LARP1B: variants seen among roughly 807,000 people sequenced by gnomAD.
LARP1B encodes la-related protein 1B.
LARP1B carries 76 observed loss-of-function variants against 114.2 expected under a neutral mutation model. That is an observed-to-expected ratio of 0.67 (90% CI 0.55 to 0.81). LARP1B has a LOEUF of 0.81. LARP1B is among the 30% of genes least tolerant of loss of function. LARP1B has a pLI of 0.00. For missense variants in LARP1B, 1,014 were observed against 1,075.8 expected, an observed-to-expected ratio of 0.94 and a Z score of 0.80; for synonymous variants, 345 against 348.0, an observed-to-expected ratio of 0.99 and a Z score of 0.10.
chr4:128,105,830 G>T (rs1023361635), intron 8 of LARP1B, among the ~76,000 whole-genome samples: 4 of 152,136 alleles, frequency 2.6e-5, no homozygotes, highest in Admixed American at 1.3e-4. Flanking sequence ...GGCGGAGGTT[G>T]CAGTGAGCCA....
In LARP1B at chr4:128,206,444, C is replaced by T; in HGVS notation, c.2326C>T (p.Leu776=). Residue 776 remains leucine, a synonymous_variant, in exon 18 of 20, where the codon CTG becomes TTG. Transcript: ENST00000326639. ...TCTTTATAGGTATGGGTTAGAATGT[C>T]TGTTCAGGTTTTATAGTTATGGACT... ...KENYRYGLEC[L]FRFYSYGLEK... is the part of the protein sequence containing the mutation. The T allele has an allele frequency of 6.2e-7, 1 of 1,604,166 alleles. No homozygotes were observed. The highest frequency in any genetic ancestry group is 1.1e-5 in the South Asian group (1 of 88,446).
intron 2 of LARP1B, 123 bp downstream of exon 2, chr4:128,074,641 A>G: frequency 3.7e-6 from 1 of 269,118 alleles, no homozygotes; most frequent in Non-Finnish European, 6.7e-6. Flanking sequence ...ATTAAAGTTA[A>G]TATTATGGAA....
chr4:128,182,775 T>G (rs1218594625), intron 15 of LARP1B, among the ~76,000 whole-genome samples: 1 of 152,136 alleles, frequency 6.6e-6, no homozygotes, highest in Non-Finnish European at 1.5e-5. Context: ...ACAGCCAAAA[T>G]ATGAAGGCAA....
chr4:128,083,721 G>A (rs369534675), intron 5 of LARP1B, among the ~76,000 whole-genome samples: 3 of 147,118 alleles, frequency 2.0e-5, no homozygotes, highest in Non-Finnish European at 3.0e-5. Context: ...CCGGCAGAGG[G>A]GCTCCTCACT....
chr4:128,077,239 G>A (rs905995533), intron 3 of LARP1B, among the ~76,000 whole-genome samples: 5 of 151,958 alleles, frequency 3.3e-5, no homozygotes, highest in South Asian at 2.1e-4. Flanking sequence ...TGGGTCATGC[G>A]TGTATCGCAG....
At chr4:128,150,456 C>A (rs1423051156) in intron 11 of LARP1B, among the ~76,000 whole-genome samples, 1 of 151,980 alleles carries the variant, frequency 6.6e-6, no homozygotes, top group Non-Finnish European at 1.5e-5. Flanking sequence ...CCACACCTGA[C>A]TAATTTTTTA....
intron 15 of LARP1B, among the ~76,000 whole-genome samples, chr4:128,193,556 C>T (rs1013860714): frequency 3.3e-5 from 5 of 152,054 alleles, no homozygotes; most frequent in Non-Finnish European, 7.4e-5. Context: ...TGATAATACC[C>T]ATAGCTGTTG....
At chr4:128,083,676 G>GCCC (rs543988452) in intron 5 of LARP1B, among the ~76,000 whole-genome samples, 1 of 123,130 alleles carries the variant, frequency 8.1e-6, no homozygotes, top group Non-Finnish European at 1.7e-5. Flanking sequence ...GGGGGGCTGA[G>GCCC]CCCCCCCACC....
intron 10 of LARP1B, among the ~76,000 whole-genome samples, chr4:128,118,159 C>G (rs1786592825): frequency 7.3e-6 from 1 of 137,462 alleles, no homozygotes; most frequent in Admixed American, 8.1e-5. Context: ...CTCCTGGGCT[C>G]TAGTGATCCA....
chr4:128,091,558 G>A (rs750714110), intron 7 of LARP1B, 46 bp downstream of exon 7: 3 of 1,453,894 alleles, frequency 2.1e-6, no homozygotes, highest in African/African-American at 1.4e-5. Context: ...AAAATCTGTT[G>A]CAATATGAAC....
At chr4:128,120,196 A>G (rs1393980370) in intron 10 of LARP1B, among the ~76,000 whole-genome samples, 1 of 152,182 alleles carries the variant, frequency 6.6e-6, no homozygotes, top group Non-Finnish European at 1.5e-5. Context: ...GCTCAGAGGA[A>G]GCACTCAGAT....
chr4:128,138,445 G>A (rs1315177469), intron 11 of LARP1B, among the ~76,000 whole-genome samples: 1 of 152,070 alleles, frequency 6.6e-6, no homozygotes, highest in East Asian at 1.9e-4. Flanking sequence ...TTCAAATATA[G>A]ATATTTTATT....
chr4:128,170,247 A>G (rs1371278970), intron 12 of LARP1B, among the ~76,000 whole-genome samples: 1 of 152,234 alleles, frequency 6.6e-6, no homozygotes, highest in African/African-American at 2.4e-5. Context: ...TGCTAATTTT[A>G]TCACCCACAA....
chr4:128,096,215 G>A (rs984361802), intron 7 of LARP1B, among the ~76,000 whole-genome samples: 4 of 151,936 alleles, frequency 2.6e-5, no homozygotes, highest in Admixed American at 1.3e-4. Context: ...GGATGGTCTC[G>A]ATCTTCTGAC....
intron 17 of LARP1B, among the ~76,000 whole-genome samples, chr4:128,203,987 T>G (rs1756831121): frequency 6.6e-6 from 1 of 152,198 alleles, no homozygotes; most frequent in African/African-American, 2.4e-5. Flanking sequence ...AGGCTGATCA[T>G]TTGCCTTTGT....
chr4:128,098,161 A>T (rs1192165465), intron 7 of LARP1B, 25 bp from the exon 8 acceptor site: 11 of 1,564,196 alleles, frequency 7.0e-6, no homozygotes, highest in Non-Finnish European at 9.7e-6. Flanking sequence ...AAATAAATGG[A>T]TGAAATTCTG....
intron 7 of LARP1B, among the ~76,000 whole-genome samples, chr4:128,220,902 G>A (rs1759967688): frequency 6.6e-6 from 1 of 152,190 alleles, no homozygotes; most frequent in African/African-American, 2.4e-5. Context: ...CTAGTTGAAT[G>A]GCTGAGCTAG....
chr4:128,163,580 T>C (rs1408218623), intron 12 of LARP1B, among the ~76,000 whole-genome samples: 1 of 152,184 alleles, frequency 6.6e-6, no homozygotes, highest in African/African-American at 2.4e-5. Flanking sequence ...TATTTATTTA[T>C]TCTGAGATAG....
intron 9 of LARP1B, among the ~76,000 whole-genome samples, chr4:128,111,596 A>T (rs1173984408): frequency 6.6e-6 from 1 of 152,138 alleles, no homozygotes; most frequent in African/African-American, 2.4e-5. Context: ...CTAGTTATTC[A>T]GCAGGCTGAG....
Sources: allele counts gnomAD v4.1 joint callset (sites outside exome capture counted in the v4.1 genomes callset), GRCh38; gene constraint gnomAD v4.1.1; transcripts MANE v1.5; gene names NCBI Gene and HGNC (gene_info 2026-07-23, HGNC 2026-07-21).